SLC16A10: variants seen among roughly 807,000 people sequenced by gnomAD.
The protein encoded by SLC16A10 is monocarboxylate transporter 10.
A neutral mutation model predicts 40.0 loss-of-function variants in SLC16A10; 27 were observed. The ratio of observed to expected loss-of-function variants is 0.67; its 90% CI spans 0.50 to 0.93. SLC16A10 has a LOEUF of 0.93. Among genes scored for constraint, SLC16A10 ranks in the 40% least tolerant of loss-of-function variants. The probability of loss-of-function intolerance (pLI) is 0.00; values close to 1 mark genes in which losing one functional copy is unlikely to be tolerated. For synonymous variants in SLC16A10, 213 were observed against 249.8 expected (o/e 0.85, Z 1.39); for missense variants, 529 against 658.2 (o/e 0.80, Z 2.15).
At chr6:111,167,617 G>A (rs578124708) in intron 1 of SLC16A10, among the ~76,000 whole-genome samples, 6 of 130,870 alleles carry the variant, frequency 4.6e-5, no homozygotes, top group Non-Finnish European at 6.6e-5. Flanking sequence ...ACTAGGGCTC[G>A]ATTGTTATTT....
At chr6:111,103,133 T>G (rs1410123940) in intron 1 of SLC16A10, among the ~76,000 whole-genome samples, 4 of 151,930 alleles carry the variant, frequency 2.6e-5, no homozygotes, top group Non-Finnish European at 5.9e-5. Context: ...CTCAAACTCC[T>G]GGACTCAAGG....
chr6:111,130,744 A>G (rs907803671), intron 1 of SLC16A10, among the ~76,000 whole-genome samples: 1 of 152,226 alleles, frequency 6.6e-6, no homozygotes, highest in African/African-American at 2.4e-5. Context: ...CTGCTCTGAT[A>G]TAATCTACTA....
At chr6:111,146,078 C>T (rs1772071499) in intron 1 of SLC16A10, among the ~76,000 whole-genome samples, 1 of 151,680 alleles carries the variant, frequency 6.6e-6, no homozygotes, top group Non-Finnish European at 1.5e-5. Context: ...GACTGGTGTC[C>T]AGAATATATA....
intron 1 of SLC16A10, among the ~76,000 whole-genome samples, chr6:111,103,627 A>G (rs1011109234): frequency 6.6e-6 from 1 of 152,220 alleles, no homozygotes; most frequent in African/African-American, 2.4e-5. Context: ...ATGATACATA[A>G]GTAACTCTGA....
intron 3 of SLC16A10, chr6:111,178,496 G>C: frequency 7.7e-6 from 4 of 520,952 alleles, no homozygotes; most frequent in South Asian, 5.8e-5. Flanking sequence ...TTGGGGGGCT[G>C]ATGCAGGAGT....
intron 3 of SLC16A10, among the ~76,000 whole-genome samples, 183 bp from the exon 4 acceptor site, chr6:111,206,409 A>G (rs1442183045): frequency 6.6e-6 from 1 of 152,164 alleles, no homozygotes; most frequent in Non-Finnish European, 1.5e-5. Context: ...AAACTAAAAC[A>G]TGTTAATTTT....
intron 3 of SLC16A10, among the ~76,000 whole-genome samples, chr6:111,188,071 A>T (rs1426185191): frequency 6.6e-6 from 1 of 152,240 alleles, no homozygotes; most frequent in Non-Finnish European, 1.5e-5. Context: ...AGCCTGGTGG[A>T]TGATGGTTAC....
intron 4 of SLC16A10, among the ~76,000 whole-genome samples, chr6:111,217,899 T>C (rs1770796483): frequency 6.6e-6 from 1 of 152,214 alleles, no homozygotes; most frequent in Non-Finnish European, 1.5e-5. Context: ...ATGTCCATCT[T>C]TCCATAACCC....
chr6:111,212,875 A>C (rs1773367192), intron 4 of SLC16A10, among the ~76,000 whole-genome samples: 1 of 152,158 alleles, frequency 6.6e-6, no homozygotes, highest in South Asian at 2.1e-4. Context: ...ATTACGTAGA[A>C]TAATAATGGT....
intron 3 of SLC16A10, among the ~76,000 whole-genome samples, chr6:111,196,289 G>A (rs1773078889): frequency 6.6e-6 from 1 of 152,140 alleles, no homozygotes; most frequent in African/African-American, 2.4e-5. Context: ...AGTTAGCCAA[G>A]ATCCCACCAC....
intron 1 of SLC16A10, among the ~76,000 whole-genome samples, chr6:111,149,224 A>G (rs1485894111): frequency 1.3e-5 from 2 of 152,176 alleles, no homozygotes; most frequent in Non-Finnish European, 1.5e-5. Flanking sequence ...TGGTCCCCCA[A>G]CCACCCACCC....
At chr6:111,169,774 G>C (rs1408039428) in intron 1 of SLC16A10, among the ~76,000 whole-genome samples, 1 of 152,150 alleles carries the variant, frequency 6.6e-6, no homozygotes, top group Non-Finnish European at 1.5e-5. Context: ...GTCAAGACAA[G>C]AAGCTATATT....
intron 1 of SLC16A10, 25 bp downstream of exon 1, chr6:111,088,120 CAGCCTGGGCGACCCGCGTGGGGCCCCCG>C: frequency 1.3e-6 from 2 of 1,585,898 alleles, no homozygotes. Context: ...CCGCCGAGGC[CAGCCTGGGCGACCCGCGTGGGGCCCCCG>C]AGCGCATCCC....
At chr6:111,110,133 G>A (rs1021344629) in intron 1 of SLC16A10, among the ~76,000 whole-genome samples, 4 of 152,126 alleles carry the variant, frequency 2.6e-5, no homozygotes, top group African/African-American at 2.4e-5. Flanking sequence ...AGACCAAAGA[G>A]GGTCCATTGA....
intron 4 of SLC16A10, among the ~76,000 whole-genome samples, chr6:111,208,061 C>A (rs1402997381): frequency 1.3e-5 from 2 of 152,104 alleles, no homozygotes; most frequent in Non-Finnish European, 2.9e-5. Flanking sequence ...CTCAACATCC[C>A]GGGCTCAAGC....
chr6:111,190,266 A>C (rs1340455388), intron 3 of SLC16A10, among the ~76,000 whole-genome samples: 1 of 152,216 alleles, frequency 6.6e-6, no homozygotes, highest in Non-Finnish European at 1.5e-5. Flanking sequence ...TTGATATAAG[A>C]GGTGTTCTCC....
rs574009323 is a variant in SLC16A10, at chr6:111,110,591, G to A, written c.343+22496G>A. On this transcript the variant is annotated intron_variant, in intron 1 of 5. Transcript: ENST00000368851. ...GTTTGGTGAGGATCAGGAAATGGAG[G>A]GGAAGAGGTCATTAAATGTGGTCCT... 1.4e-3 allele frequency among the ~76,000 whole-genome samples: 213 copies of A among 152,252 alleles called. 1 individual carries two copies. Among genetic ancestry groups the A allele is most frequent in the African/African-American group, 4.8e-3 (199 of 41,544 alleles).
intron 5 of SLC16A10, 148 bp downstream of exon 5, chr6:111,219,190 T>C (rs1211643224): frequency 1.9e-5 from 14 of 728,184 alleles, no homozygotes; most frequent in East Asian, 2.7e-5. Flanking sequence ...GTAACATTTT[T>C]AATAAGACTA....
chr6:111,102,844 G>A (rs1771213142), intron 1 of SLC16A10, among the ~76,000 whole-genome samples: 1 of 152,124 alleles, frequency 6.6e-6, no homozygotes, highest in African/African-American at 2.4e-5. Context: ...AGCTAATTCC[G>A]TTGAAAATAT....
Sources: allele counts gnomAD v4.1 joint callset (sites outside exome capture counted in the v4.1 genomes callset), GRCh38; gene constraint gnomAD v4.1.1; transcripts MANE v1.5; gene names NCBI Gene and HGNC (gene_info 2026-07-23, HGNC 2026-07-21).